The following KIAA0825 variants were observed in gnomAD, a reference collection of about 807,000 sequenced individuals.
The protein encoded by KIAA0825 is uncharacterized protein KIAA0825.
Under a neutral mutation model 147.6 loss-of-function variants are expected in KIAA0825, and 119 were observed. The ratio of observed to expected loss-of-function variants is 0.81; its 90% CI spans 0.69 to 0.94. The LOEUF is 0.94. Ranked by LOEUF, KIAA0825 falls within the 40% of genes least tolerant of loss-of-function variation. The pLI is 0.00. For missense variants in KIAA0825, 1,381 were observed against 1,472.7 expected, an observed-to-expected ratio of 0.94 and a Z score of 1.02; for synonymous variants, 470 against 518.1, an observed-to-expected ratio of 0.91 and a Z score of 1.26.
At chr5:94,522,228 T>G (rs1768349196) in intron 4 of KIAA0825, among the ~76,000 whole-genome samples, 1 of 151,708 alleles carries the variant, frequency 6.6e-6, no homozygotes, top group Non-Finnish European at 1.5e-5. Flanking sequence ...GGCTTCTTTC[T>G]CTTCATCCAC....
chr5:94,565,094 C>CTTTTTT (rs1285299381), intron 2 of KIAA0825, among the ~76,000 whole-genome samples: 1 of 51,910 alleles, frequency 1.9e-5, no homozygotes, highest in Non-Finnish European at 4.0e-5. Context: ...TTCTTGCTTT[C>CTTTTTT]CTTTTTTTTT....
At chr5:94,613,620 G>A (rs1789538225) in intron 1 of KIAA0825, among the ~76,000 whole-genome samples, 1 of 152,244 alleles carries the variant, frequency 6.6e-6, no homozygotes. Flanking sequence ...AGGGAGGTCA[G>A]TAGGGGCTGA....
At position 94,152,856 on chromosome 5, in the gene KIAA0825, TTATATATATATA is replaced by T. The variant is rs1175360792; in HGVS notation, c.*1139_*1150del. On this transcript the variant is annotated 3_prime_UTR_variant, in exon 21 of 21. Transcript: ENST00000682413. ...AAAAAAAAAAAAAAAAAAAAAAAAA[TTATATATATATA>T]TATATATATATATATATATATATAT... 11 of 2,772 alleles carry T rather than the reference TTATATATATATA, an allele frequency of 4.0e-3. No homozygotes were observed. The highest frequency in any genetic ancestry group is 0.024 in the South Asian group (1 of 42). 0.2% of individuals were successfully genotyped at this position (2,772 alleles called of 1,614,324 possible). A position where few individuals can be genotyped will look rare whatever the true frequency, so the allele number is the denominator to read the frequency against.
At chr5:94,356,888 C>A (rs1190860615) in intron 20 of KIAA0825, among the ~76,000 whole-genome samples, 3 of 151,710 alleles carry the variant, frequency 2.0e-5, no homozygotes, top group Non-Finnish European at 4.4e-5. Flanking sequence ...CCACACCCAG[C>A]TAATTTTTGT....
intron 9 of KIAA0825, among the ~76,000 whole-genome samples, chr5:94,470,781 C>T (rs996180404): frequency 6.6e-6 from 1 of 151,976 alleles, no homozygotes; most frequent in Non-Finnish European, 1.5e-5. Flanking sequence ...ACTGCAAAGG[C>T]TGGATAAAGA....
chr5:94,158,662 T>C (rs1767266287), intron 20 of KIAA0825, among the ~76,000 whole-genome samples: 1 of 152,188 alleles, frequency 6.6e-6, no homozygotes, highest in Non-Finnish European at 1.5e-5. Context: ...TTTTAGTCTT[T>C]CACTGTTTAG....
Position 94,522,437 on chromosome 5 carries a change from C to T in KIAA0825, c.300+1493G>A, listed in dbSNP as rs549565923. ...GCCTCTGCCTTGGTTTTTTTAAGTC[C>T]GTAAATAACTGTAAATATTTGATCA... is the stretch of plus-strand genomic sequence containing the variant. On this transcript the variant is annotated intron_variant, in intron 4 of 20. Coordinates refer to ENST00000682413, the MANE Select transcript of KIAA0825 (RefSeq NM_001145678.3). Among the ~76,000 whole-genome samples, 7 of 151,108 alleles carry T rather than the reference C, an allele frequency of 4.6e-5. No individual in the cohort carries two copies. The South Asian group carries it at 8.4e-4, about 18-fold the overall frequency.
chr5:94,484,626 C>G, intron 6 of KIAA0825, 143 bp downstream of exon 6: 1 of 452,610 alleles, frequency 2.2e-6, no homozygotes, highest in Non-Finnish European at 3.9e-6. Context: ...ATATATAATG[C>G]ATGGTGTGCA....
At chr5:94,318,827 A>C (rs1157909362) in intron 20 of KIAA0825, among the ~76,000 whole-genome samples, 1 of 151,920 alleles carries the variant, frequency 6.6e-6, no homozygotes, top group African/African-American at 2.4e-5. Flanking sequence ...GTAGGACAGG[A>C]CCAGGAACGT....
chr5:94,211,774 A>T (rs919756920), intron 20 of KIAA0825, among the ~76,000 whole-genome samples: 11 of 152,242 alleles, frequency 7.2e-5, no homozygotes, highest in Non-Finnish European at 1.5e-4. Flanking sequence ...GCATCTGATC[A>T]TATTGGATCC....
intron 7 of KIAA0825, among the ~76,000 whole-genome samples, chr5:94,476,181 T>C (rs923734058): frequency 1.6e-4 from 25 of 152,162 alleles, no homozygotes; most frequent in African/African-American, 6.0e-4. Context: ...TTTAAATATT[T>C]ACCTAGTGTA....
chr5:94,613,130 T>G (rs1306001862), intron 1 of KIAA0825, among the ~76,000 whole-genome samples: 1 of 152,206 alleles, frequency 6.6e-6, no homozygotes, highest in Non-Finnish European at 1.5e-5. Context: ...TGAACTTTTA[T>G]AGTTGTTAAA....
chr5:94,448,012 A>C (rs1016251740), intron 13 of KIAA0825, among the ~76,000 whole-genome samples: 1 of 152,014 alleles, frequency 6.6e-6, no homozygotes, highest in African/African-American at 2.4e-5. Context: ...CCACATGAAG[A>C]GGTAAGTTTA....
chr5:94,502,848 C>T (rs1448610572), intron 5 of KIAA0825, among the ~76,000 whole-genome samples: 4 of 152,086 alleles, frequency 2.6e-5, no homozygotes, highest in African/African-American at 9.6e-5. Flanking sequence ...GTGGCTCACG[C>T]CTACAATCCC....
At chr5:94,606,814 T>G (rs1787576303) in intron 1 of KIAA0825, among the ~76,000 whole-genome samples, 2 of 152,162 alleles carry the variant, frequency 1.3e-5, no homozygotes. Flanking sequence ...ACAAGCACAG[T>G]GCCAGCATCT....
chr5:94,595,632 C>T (rs1356079757), intron 1 of KIAA0825, among the ~76,000 whole-genome samples: 1 of 152,226 alleles, frequency 6.6e-6, no homozygotes, highest in Non-Finnish European at 1.5e-5. Context: ...TCGGCAGCTG[C>T]TTGAACTTCT....
chr5:94,588,626 G>A (rs1185836703), intron 1 of KIAA0825, among the ~76,000 whole-genome samples: 1 of 152,320 alleles, frequency 6.6e-6, no homozygotes, highest in East Asian at 1.9e-4. Context: ...GGAAGTCAGT[G>A]TGGTGATCCC....
intron 1 of KIAA0825, among the ~76,000 whole-genome samples, chr5:94,591,701 T>C (rs1355098830): frequency 6.6e-6 from 1 of 152,192 alleles, no homozygotes; most frequent in African/African-American, 2.4e-5. Flanking sequence ...TTAGAGACTG[T>C]ATTAGTGCAT....
At chr5:94,377,681 T>C (rs1187945896) in intron 20 of KIAA0825, among the ~76,000 whole-genome samples, 2 of 152,214 alleles carry the variant, frequency 1.3e-5, no homozygotes, top group Admixed American at 1.3e-4. Flanking sequence ...AACTGATATA[T>C]ATGTTGATTT....
Sources: allele counts gnomAD v4.1 joint callset (sites outside exome capture counted in the v4.1 genomes callset), GRCh38; gene constraint gnomAD v4.1.1; transcripts MANE v1.5; gene names NCBI Gene and HGNC (gene_info 2026-07-23, HGNC 2026-07-21).